Variants in KHDRBS3 observed in about 807,000 individuals in gnomAD.
KHDRBS3 encodes the protein KH RNA binding domain containing, signal transduction associated 3.
Under a neutral mutation model 45.6 loss-of-function variants are expected in KHDRBS3, and 23 were observed. The ratio of observed to expected loss-of-function variants is 0.50; its 90% CI spans 0.36 to 0.72. The LOEUF is 0.72. KHDRBS3 is among the 30% of genes least tolerant of loss of function. The pLI is 0.00. For synonymous variants in KHDRBS3, 162 were observed against 156.5 expected, an observed-to-expected ratio of 1.04 and a Z score of -0.26; for missense variants, 352 against 424.8, an observed-to-expected ratio of 0.83 and a Z score of 1.51.
intron 1 of KHDRBS3, among the ~76,000 whole-genome samples, chr8:135,487,837 A>G (rs1223094007): frequency 1.3e-5 from 2 of 152,200 alleles, no homozygotes; most frequent in African/African-American, 4.8e-5. Flanking sequence ...ATCTGTACTG[A>G]TTAATGGAAT....
chr8:135,635,371 GTGTT>G (rs561791144), intron 7 of KHDRBS3, among the ~76,000 whole-genome samples: 42 of 152,004 alleles, frequency 2.8e-4, no homozygotes, highest in Middle Eastern at 3.4e-3. Context: ...GCAGGTAGTA[GTGTT>G]TGTTTGTTTG....
intron 7 of KHDRBS3, chr8:135,625,871 C>T: frequency 1.3e-6 from 1 of 770,830 alleles, no homozygotes; most frequent in African/African-American, 1.7e-5. Flanking sequence ...CTGAGCACAG[C>T]TGTTCGATCT....
At chr8:135,522,896 G>T (rs976140662) in intron 2 of KHDRBS3, among the ~76,000 whole-genome samples, 7 of 152,004 alleles carry the variant, frequency 4.6e-5, no homozygotes, top group Non-Finnish European at 1.0e-4. Flanking sequence ...AGTTTTTCTT[G>T]CACTATTTGT....
intron 1 of KHDRBS3, among the ~76,000 whole-genome samples, chr8:135,461,180 C>T (rs71528394): frequency 0.01 from 1,528 of 152,314 alleles, 10 homozygotes; most frequent in Non-Finnish European, 0.013. Context: ...TCTAGGCTCA[C>T]CGTAACCTCT....
intron 1 of KHDRBS3, among the ~76,000 whole-genome samples, chr8:135,489,475 C>T (rs1320460315): frequency 1.3e-5 from 2 of 152,072 alleles, no homozygotes; most frequent in Non-Finnish European, 2.9e-5. Context: ...GTCAAGAGAT[C>T]GAGACCTTCC....
intron 1 of KHDRBS3, among the ~76,000 whole-genome samples, chr8:135,477,747 C>G (rs1822363158): frequency 6.6e-6 from 1 of 152,152 alleles, no homozygotes; most frequent in Non-Finnish European, 1.5e-5. Context: ...TTGGGTGGAC[C>G]TGTTATCACA....
At chr8:135,592,214 T>A (rs1451973849) in intron 6 of KHDRBS3, among the ~76,000 whole-genome samples, 3 of 152,314 alleles carry the variant, frequency 2.0e-5, no homozygotes, top group African/African-American at 7.2e-5. Context: ...AAGTTCAGAT[T>A]TAAAATATAT....
chr8:135,545,309 C>A (rs149496933), intron 3 of KHDRBS3, among the ~76,000 whole-genome samples: 130 of 152,222 alleles, frequency 8.5e-4, no homozygotes, highest in Admixed American at 1.4e-3. Context: ...TGTCATCTCC[C>A]TTCAAGGAAC....
chr8:135,492,088 G>T (rs1823182119), intron 1 of KHDRBS3, among the ~76,000 whole-genome samples: 2 of 152,058 alleles, frequency 1.3e-5, no homozygotes, highest in Admixed American at 1.3e-4. Flanking sequence ...ACTTCTTGTG[G>T]ATACCATAGT....
chr8:135,618,572 G>A (rs546585264), intron 7 of KHDRBS3, among the ~76,000 whole-genome samples: 2 of 152,232 alleles, frequency 1.3e-5, no homozygotes, highest in Non-Finnish European at 2.9e-5. Context: ...CCCAATTTTA[G>A]TAAGTAACTG....
In KHDRBS3 at chr8:135,632,157, C is replaced by G. The variant is rs148338092; in HGVS notation, c.891-12902C>G. Among the ~76,000 whole-genome samples, 951 of 152,328 alleles carry G rather than the reference C, an allele frequency of 6.2e-3. 7 individuals are homozygous for G. The highest frequency in any genetic ancestry group is 0.024 in the Middle Eastern group (7 of 294). Reference sequence around the variant, plus strand: ...TCTTCACTTGATCTTCTTCTACTTTCTCTTGAACTTGATCTTTTGGTTCCC... The same window carrying G: ...TCTTCACTTGATCTTCTTCTACTTTGTCTTGAACTTGATCTTTTGGTTCCC... On this transcript the variant is annotated intron_variant, in intron 7 of 8. Coordinates refer to ENST00000355849, the MANE Select transcript of KHDRBS3 (RefSeq NM_006558.3).
intron 1 of KHDRBS3, among the ~76,000 whole-genome samples, chr8:135,486,441 G>A (rs1018573554): frequency 2.0e-5 from 3 of 152,212 alleles, no homozygotes; most frequent in Admixed American, 1.3e-4. Context: ...AAGGGGAGAT[G>A]AGGGAAATTT....
intron 3 of KHDRBS3, among the ~76,000 whole-genome samples, chr8:135,544,117 G>A (rs1017698797): frequency 6.6e-6 from 1 of 152,136 alleles, no homozygotes; most frequent in Non-Finnish European, 1.5e-5. Flanking sequence ...CTCTACCCTT[G>A]CTGATATCTT....
At chr8:135,642,833 G>A (rs970879282) in intron 7 of KHDRBS3, among the ~76,000 whole-genome samples, 4 of 148,426 alleles carry the variant, frequency 2.7e-5, no homozygotes, top group South Asian at 2.1e-4. Flanking sequence ...TCGCTCTGTC[G>A]CCAGGCTGGA....
intron 7 of KHDRBS3, among the ~76,000 whole-genome samples, chr8:135,623,803 A>T (rs6986213): frequency 0.87 from 131,749 of 152,066 alleles, 57,178 homozygotes; most frequent in East Asian, 1. Flanking sequence ...TCCTCTGAAT[A>T]CCACACAGCA....
intron 7 of KHDRBS3, among the ~76,000 whole-genome samples, chr8:135,612,481 C>G (rs1829743649): frequency 6.6e-6 from 1 of 151,870 alleles, no homozygotes; most frequent in African/African-American, 2.4e-5. Flanking sequence ...TTTACTGCCA[C>G]TGCTGTCAAG....
downstream of KHDRBS3, among the ~76,000 whole-genome samples, chr8:135,651,493 A>G (rs530613012): frequency 1.3e-5 from 2 of 152,258 alleles, no homozygotes; most frequent in South Asian, 4.1e-4. Flanking sequence ...GTAAGAGACC[A>G]TGCTGGCTGG....
At chr8:135,500,597 C>A (rs1202655918) in intron 1 of KHDRBS3, among the ~76,000 whole-genome samples, 2 of 152,122 alleles carry the variant, frequency 1.3e-5, no homozygotes, top group Non-Finnish European at 2.9e-5. Context: ...GAAGATACTT[C>A]CTAGAAGAAA....
At chr8:135,641,954 T>C (rs551457198) in intron 7 of KHDRBS3, among the ~76,000 whole-genome samples, 3 of 152,318 alleles carry the variant, frequency 2.0e-5, no homozygotes, top group African/African-American at 7.2e-5. Flanking sequence ...TGCTCTCTTT[T>C]CAGTTAGTCC....
Sources: gnomAD v4.1 joint callset for allele counts (sites outside exome capture counted in the v4.1 genomes callset) on GRCh38, gnomAD v4.1.1 for gene constraint, MANE v1.5 for transcripts, NCBI Gene and HGNC (gene_info 2026-07-23, HGNC 2026-07-21) for gene names.